DPP10: variants seen among roughly 807,000 people sequenced by gnomAD.
DPP10 encodes the protein inactive dipeptidyl peptidase 10.
Under a neutral mutation model 120.9 loss-of-function variants are expected in DPP10, and 33 were observed. That is an observed-to-expected ratio of 0.27 (90% CI 0.21 to 0.37). The LOEUF (loss-of-function observed/expected upper bound fraction) is 0.37. Among genes scored for constraint, DPP10 ranks in the 10% least tolerant of loss-of-function variants. DPP10 has a pLI of 1.00. For synonymous variants in DPP10, 337 were observed against 326.1 expected (o/e 1.03, Z -0.36); for missense variants, 816 against 942.8 (o/e 0.87, Z 1.76).
chr2:115,055,946 A>G (rs912132899), intron 1 of DPP10, among the ~76,000 whole-genome samples: 1 of 152,240 alleles, frequency 6.6e-6, no homozygotes, highest in African/African-American at 2.4e-5. Context: ...GCAGCATGTA[A>G]AACATATAGA....
intron 1 of DPP10, among the ~76,000 whole-genome samples, chr2:114,691,868 G>A (rs1359368340): frequency 6.6e-5 from 10 of 151,848 alleles, no homozygotes; most frequent in African/African-American, 1.7e-4. Flanking sequence ...TTTTATGTGC[G>A]TAGAGATGTT....
intron 5 of DPP10, among the ~76,000 whole-genome samples, chr2:115,582,883 G>A (rs572336716): frequency 3.3e-5 from 5 of 152,312 alleles, no homozygotes; most frequent in African/African-American, 9.6e-5. Context: ...CCACATTGCA[G>A]TGGGGCAGGA....
intron 1 of DPP10, among the ~76,000 whole-genome samples, chr2:114,579,275 G>T (rs537390050): frequency 6.6e-6 from 1 of 152,196 alleles, no homozygotes; most frequent in Non-Finnish European, 1.5e-5. Flanking sequence ...TATAAGTGAG[G>T]GAGTGGAGTG....
At chr2:114,850,943 T>G (rs1439061560) in intron 1 of DPP10, among the ~76,000 whole-genome samples, 2 of 152,156 alleles carry the variant, frequency 1.3e-5, no homozygotes, top group Admixed American at 1.3e-4. Context: ...TAGATGCTGT[T>G]TTGTTTAGAG....
chr2:115,273,892 G>C (rs2059804046), intron 1 of DPP10, among the ~76,000 whole-genome samples: 1 of 152,124 alleles, frequency 6.6e-6, no homozygotes, highest in African/African-American at 2.4e-5. Context: ...GCTTTTACTA[G>C]TATTTCATAG....
intron 3 of DPP10, among the ~76,000 whole-genome samples, chr2:115,362,010 TG>T (rs2064805861): frequency 5.9e-5 from 1 of 16,868 alleles, no homozygotes; most frequent in African/African-American, 1.4e-4. Flanking sequence ...GTGTATGTTT[TG>T]TGTGTATGTT....
intron 1 of DPP10, among the ~76,000 whole-genome samples, chr2:115,024,013 G>T (rs1249267075): frequency 1.3e-5 from 2 of 152,054 alleles, no homozygotes; most frequent in Non-Finnish European, 1.5e-5. Flanking sequence ...CAGGGGAAAG[G>T]GTGGTGGGTG....
At chr2:115,560,590 G>C (rs1474694617) in intron 5 of DPP10, among the ~76,000 whole-genome samples, 1 of 149,130 alleles carries the variant, frequency 6.7e-6, no homozygotes, top group Admixed American at 6.7e-5. Context: ...CACCTAGGTA[G>C]TTTGGTAGTT....
At chr2:115,731,262 G>T (rs530118999) in intron 8 of DPP10, among the ~76,000 whole-genome samples, 1 of 152,098 alleles carries the variant, frequency 6.6e-6, no homozygotes, top group African/African-American at 2.4e-5. Context: ...GGAGGCTGAG[G>T]CAGGAAAATC....
intron 3 of DPP10, among the ~76,000 whole-genome samples, chr2:115,454,841 T>C (rs1322704705): frequency 6.6e-6 from 1 of 151,632 alleles, no homozygotes; most frequent in East Asian, 1.9e-4. Flanking sequence ...AGATCCATAA[T>C]AAACTACTTG....
intron 1 of DPP10, among the ~76,000 whole-genome samples, chr2:115,006,592 A>C (rs1424674520): frequency 3.4e-5 from 5 of 147,194 alleles, no homozygotes; most frequent in Non-Finnish European, 6.1e-5. Flanking sequence ...AACAGACTTT[A>C]AACCAACAAA....
At chr2:114,756,882 T>C (rs950319249) in intron 1 of DPP10, among the ~76,000 whole-genome samples, 2 of 152,200 alleles carry the variant, frequency 1.3e-5, no homozygotes, top group African/African-American at 4.8e-5. Flanking sequence ...AATTATTTCT[T>C]AGCAAAAGAG....
rs200950329 is a variant in DPP10 at position 115,628,810 on chromosome 2, GT to G, written c.442-60868del. 6.3e-3 allele frequency among the ~76,000 whole-genome samples: 946 copies of G among 150,538 alleles called. 11 individuals carry two copies. Among genetic ancestry groups the G allele is most frequent in the African/African-American group, 0.022 (891 of 41,042 alleles). ...AGTTTTTGTTTTTTTTCTAGGTCAA[GT>G]TTTTTTTTATTATTATTATTATACT... On this transcript the variant is annotated intron_variant, in intron 5 of 25. Transcript: ENST00000410059.
At chr2:114,976,840 T>C (rs1574616674) in intron 1 of DPP10, among the ~76,000 whole-genome samples, 1 of 152,166 alleles carries the variant, frequency 6.6e-6, no homozygotes, top group East Asian at 1.9e-4. Flanking sequence ...TATGTTACTT[T>C]CCTCATTACT....
intron 1 of DPP10, among the ~76,000 whole-genome samples, chr2:114,823,152 G>A (rs1366895537): frequency 6.6e-6 from 1 of 152,118 alleles, no homozygotes; most frequent in East Asian, 1.9e-4. Context: ...AATTTATAAA[G>A]GAAAGATGTT....
intron 1 of DPP10, among the ~76,000 whole-genome samples, chr2:114,803,781 G>A (rs533246818): frequency 6.6e-6 from 1 of 152,188 alleles, no homozygotes; most frequent in East Asian, 1.9e-4. Context: ...GGGAAGCACA[G>A]CATAAAAGTT....
At chr2:114,839,897 A>G (rs1246091432) in intron 1 of DPP10, among the ~76,000 whole-genome samples, 1 of 152,210 alleles carries the variant, frequency 6.6e-6, no homozygotes, top group Non-Finnish European at 1.5e-5. Context: ...ACTATTGGGT[A>G]GCATTGCACA....
chr2:115,566,841 T>A (rs2081037703), intron 5 of DPP10, among the ~76,000 whole-genome samples: 1 of 152,212 alleles, frequency 6.6e-6, no homozygotes, highest in Admixed American at 6.5e-5. Flanking sequence ...TTATAATCCA[T>A]TAATTCATAG....
intron 1 of DPP10, among the ~76,000 whole-genome samples, chr2:114,787,377 C>T (rs930240537): frequency 6.6e-6 from 1 of 152,156 alleles, no homozygotes; most frequent in African/African-American, 2.4e-5. Flanking sequence ...CATAGAGCTT[C>T]CTAATCCCTG....
Sources: allele counts gnomAD v4.1 joint callset (sites outside exome capture counted in the v4.1 genomes callset), GRCh38; gene constraint gnomAD v4.1.1; transcripts MANE v1.5; gene names NCBI Gene and HGNC (gene_info 2026-07-23, HGNC 2026-07-21).